AIG1: variants seen among roughly 807,000 people sequenced by gnomAD.
AIG1 encodes androgen-induced gene 1 protein.
A neutral mutation model predicts 31.4 loss-of-function variants in AIG1; 23 were observed. The observed-to-expected ratio is 0.73, with a 90% CI of 0.53 to 1.04. The LOEUF (loss-of-function observed/expected upper bound fraction) is 1.04. Ranked by LOEUF, AIG1 falls within the 50% of genes least tolerant of loss-of-function variation. AIG1 has a pLI of 0.00. For missense variants in AIG1, 274 were observed against 295.0 expected (o/e 0.93, Z 0.52); for synonymous variants, 100 against 110.5 (o/e 0.90, Z 0.60).
In AIG1 at chr6:143,325,555, G is replaced by GA. The variant is rs1469864741; in HGVS notation, c.516-7724dup. 2.6e-5 allele frequency among the ~76,000 whole-genome samples: 4 copies of GA among 152,104 alleles called. No homozygotes were observed. Among genetic ancestry groups the GA allele is most frequent in the African/African-American group, 9.7e-5 (4 of 41,416 alleles). ...TCCCTTACAGCATTCCCTCTCTCAG[G>GA]AAATGGCAGCTGTTTCCACCCTGCT... On this transcript the variant is annotated intron_variant, in intron 4 of 5. Coordinates refer to ENST00000357847, the MANE Select transcript of AIG1 (RefSeq NM_016108.4). The surrounding 1 kb of genome is among the most constrained non-coding windows in gnomAD (Gnocchi z 4.3).
intron 3 of AIG1, among the ~76,000 whole-genome samples, chr6:143,186,081 G>A (rs1294181367): frequency 6.6e-6 from 1 of 152,136 alleles, no homozygotes; most frequent in Non-Finnish European, 1.5e-5. Flanking sequence ...TTGCCCAAGC[G>A]CTCACAGCCC....
chr6:143,109,533 C>T (rs911367259), intron 1 of AIG1, among the ~76,000 whole-genome samples: 2 of 152,016 alleles, frequency 1.3e-5, no homozygotes, highest in African/African-American at 2.4e-5. Flanking sequence ...GTAGTGTCAA[C>T]GTTTTTTTCT....
intron 4 of AIG1, among the ~76,000 whole-genome samples, chr6:143,302,980 G>C (rs1287686173): frequency 6.6e-6 from 1 of 152,092 alleles, no homozygotes; most frequent in African/African-American, 2.4e-5. Context: ...GGCCAGTGAT[G>C]GTGAGCATTT....
intron 3 of AIG1, among the ~76,000 whole-genome samples, chr6:143,208,297 T>G (rs1791286799): frequency 6.6e-6 from 1 of 152,208 alleles, no homozygotes. Flanking sequence ...ACTTAGCAAC[T>G]TGTGGCCACA....
chr6:143,298,465 A>G lies in AIG1; in HGVS notation c.515+14240A>G, dbSNP rs993524629. 6.6e-6 allele frequency among the ~76,000 whole-genome samples: 1 copy of G among 152,250 alleles called. No homozygotes were observed. Among genetic ancestry groups the G allele is most frequent in the Admixed American group, 6.5e-5 (1 of 15,284 alleles). On this transcript the variant is annotated intron_variant, in intron 4 of 5. Transcript: ENST00000357847. This position sits in a 1 kb window ranked among gnomAD's most constrained non-coding sequence, Gnocchi z 5.1. ...CAAGGTGAAACAGTGCTATTTGCCTATCAGACAAAGACAGGTATCTTTTTA... is the reference window on the plus strand; with the variant it reads ...CAAGGTGAAACAGTGCTATTTGCCTGTCAGACAAAGACAGGTATCTTTTTA...
intron 4 of AIG1, among the ~76,000 whole-genome samples, chr6:143,322,180 G>T (rs144712386): frequency 1.6e-3 from 247 of 152,222 alleles, no homozygotes; most frequent in South Asian, 7.9e-3. Flanking sequence ...GTCCAAGGAG[G>T]TAGCGAGATC....
chr6:143,212,369 T>C (rs1348751709), intron 3 of AIG1, among the ~76,000 whole-genome samples: 1 of 152,202 alleles, frequency 6.6e-6, no homozygotes, highest in Admixed American at 6.5e-5. Flanking sequence ...CAGCCAACCC[T>C]TCTTTACCCC....
intron 3 of AIG1, among the ~76,000 whole-genome samples, chr6:143,208,729 A>G (rs1262604233): frequency 6.6e-6 from 1 of 152,144 alleles, no homozygotes; most frequent in Non-Finnish European, 1.5e-5. Flanking sequence ...CACTTCATCC[A>G]TCAAAAGCCT....
chr6:143,205,675 C>T (rs1356788445), intron 3 of AIG1, among the ~76,000 whole-genome samples: 1 of 152,206 alleles, frequency 6.6e-6, no homozygotes, highest in Non-Finnish European at 1.5e-5. Flanking sequence ...CCATACAACA[C>T]AGATGTGGAT....
chr6:143,113,658 A>G (rs1384818859), intron 1 of AIG1, among the ~76,000 whole-genome samples: 1 of 152,054 alleles, frequency 6.6e-6, no homozygotes, highest in Non-Finnish European at 1.5e-5. Flanking sequence ...GCAGATTCAT[A>G]AGCTGTCCCT....
chr6:143,314,247 T>TC (rs1470886361), intron 4 of AIG1, among the ~76,000 whole-genome samples: 7 of 146,134 alleles, frequency 4.8e-5, no homozygotes, highest in African/African-American at 1.8e-4. Flanking sequence ...ATGCCTATAG[T>TC]CCCAGCTACT....
chr6:143,338,134 A>G lies in AIG1; in HGVS notation c.680-1505A>G. On this transcript the variant is annotated intron_variant, in intron 5 of 5. Transcript: ENST00000357847. The surrounding 1 kb of genome is among the most constrained non-coding windows in gnomAD (Gnocchi z 4.3). ...AAAAACAGACTTTAAAAAGAAAAGC[A>G]AACTGCTCTTAGCCCCTGATAGCTT... 1 of 397,836 alleles carries G rather than the reference A, an allele frequency of 2.5e-6. No individual in the cohort carries two copies. The allele number at this position is 397,836 out of a possible 1,614,324, so 24.6% of individuals were successfully genotyped here.
intron 2 of AIG1, among the ~76,000 whole-genome samples, chr6:143,160,245 A>G (rs1011882042): frequency 1.3e-5 from 2 of 152,166 alleles, no homozygotes; most frequent in Non-Finnish European, 2.9e-5. Flanking sequence ...CATTCTTTGC[A>G]TTCTAATTGG....
rs748131671 is a variant in AIG1 at position 143,330,290 on chromosome 6, TAG to T, written c.516-2987_516-2986del. ...GGAGAAAAAATAAAGGATGAAAGAA[TAG>T]AGAGTTTGAGGGTAGAGGTTGCAAT... On this transcript the variant is annotated intron_variant, in intron 4 of 5. Transcript: ENST00000357847. This position sits in a 1 kb window ranked among gnomAD's most constrained non-coding sequence, Gnocchi z 4.4. 1.3e-5 allele frequency among the ~76,000 whole-genome samples: 2 copies of T among 151,908 alleles called. No homozygotes were observed. The highest frequency in any genetic ancestry group is 2.9e-5 in the Non-Finnish European group (2 of 67,976).
At chr6:143,196,353 A>ACG (rs1554256863) in intron 3 of AIG1, among the ~76,000 whole-genome samples, 11 of 25,036 alleles carry the variant, frequency 4.4e-4, no homozygotes, top group African/African-American at 1.7e-3. Context: ...CAAAAGCAAC[A>ACG]CACACACACA....
intron 1 of AIG1, among the ~76,000 whole-genome samples, chr6:143,106,288 A>G (rs760841969): frequency 3.7e-4 from 56 of 152,282 alleles, no homozygotes; most frequent in Non-Finnish European, 6.9e-4. Flanking sequence ...CACCAGAGAA[A>G]AGATATGGAA....
At chr6:143,102,252 T>G (rs1416281239) in intron 1 of AIG1, among the ~76,000 whole-genome samples, 37 of 151,702 alleles carry the variant, frequency 2.4e-4, no homozygotes, top group Admixed American at 2.4e-3. Flanking sequence ...AATATTTTCC[T>G]CTTTTGGCAC....
chr6:143,092,331 C>G (rs1443725239), intron 1 of AIG1, among the ~76,000 whole-genome samples: 1 of 142,670 alleles, frequency 7.0e-6, no homozygotes, highest in African/African-American at 2.6e-5. Flanking sequence ...GTTGCCCAGA[C>G]TGATCTCAAA....
intron 3 of AIG1, among the ~76,000 whole-genome samples, chr6:143,200,998 TC>T (rs1790652329): frequency 6.6e-6 from 1 of 152,218 alleles, no homozygotes; most frequent in East Asian, 1.9e-4. Flanking sequence ...CCCACATCCC[TC>T]CCAAACCTAT....
Sources: gnomAD v4.1 joint callset for allele counts (sites outside exome capture counted in the v4.1 genomes callset) on GRCh38, gnomAD v4.1.1 for gene constraint, Gnocchi (gnomAD v3.1) non-coding constraint, MANE v1.5 for transcripts, NCBI Gene and HGNC (gene_info 2026-07-23, HGNC 2026-07-21) for gene names.